WASHC3: variants seen among roughly 807,000 people sequenced by gnomAD.
The protein encoded by WASHC3 is WASH complex subunit 3.
WASHC3 carries 24 observed loss-of-function variants against 26.1 expected under a neutral mutation model. The ratio of observed to expected loss-of-function variants is 0.92; its 90% CI spans 0.66 to 1.29. WASHC3 has a LOEUF of 1.29. Among genes scored for constraint, WASHC3 ranks in the 50% most tolerant of loss-of-function variants. The pLI is 0.00. For synonymous variants in WASHC3, 77 were observed against 75.7 expected (o/e 1.02, Z -0.09); for missense variants, 214 against 229.6 (o/e 0.93, Z 0.44).
chr12:102,017,999 ATTCT>A (rs1876783986), intron 6 of WASHC3, among the ~76,000 whole-genome samples: 1 of 152,110 alleles, frequency 6.6e-6, no homozygotes, highest in Non-Finnish European at 1.5e-5. Context: ...GACAACCACT[ATTCT>A]TTCTGTCTCT....
chr12:102,052,150 G>A (rs1878416746), intron 2 of WASHC3, among the ~76,000 whole-genome samples: 1 of 152,138 alleles, frequency 6.6e-6, no homozygotes. Flanking sequence ...TACAGCACTG[G>A]GTTTAGCACA....
chr12:102,017,827 CAT>C (rs1565810049), intron 6 of WASHC3: 1 of 427,500 alleles, frequency 2.3e-6, no homozygotes, highest in African/African-American at 2.1e-5. Context: ...ATACAGATAA[CAT>C]AAAATTTAAT....
At position 102,013,209 on chromosome 12, in the gene WASHC3, A is replaced by C. The variant is rs901749273; in HGVS notation, c.501-17T>G. 6 of 1,356,544 alleles carry C rather than the reference A, an allele frequency of 4.4e-6. No individual in the cohort carries two copies. In the East Asian group the frequency reaches 1.5e-4, roughly 34 times the overall value. 84.0% of individuals were successfully genotyped at this position (1,356,544 alleles called of 1,614,324 possible). On this transcript the variant is annotated splice_polypyrimidine_tract_variant and intron_variant, in intron 6 of 6. Transcript: ENST00000240079. ...TCTGGCCTCCTAAAAGAAAAGAAAA[A>C]AAAATTTCAAAGGTCTTTTCCAATT...
intron 2 of WASHC3, among the ~76,000 whole-genome samples, chr12:102,055,643 C>A (rs148465565): frequency 1.2e-3 from 180 of 152,262 alleles, no homozygotes; most frequent in African/African-American, 4.2e-3. Context: ...GTGCCCCACC[C>A]ATCAAAGCTT....
intron 5 of WASHC3, among the ~76,000 whole-genome samples, chr12:102,031,580 T>C (rs535718449): frequency 2.0e-5 from 3 of 152,310 alleles, no homozygotes; most frequent in Non-Finnish European, 4.4e-5. Flanking sequence ...TGTTCATTTG[T>C]ATCTTTTCTT....
intron 2 of WASHC3, among the ~76,000 whole-genome samples, chr12:102,057,518 T>C (rs1202314619): frequency 2.6e-5 from 4 of 152,060 alleles, no homozygotes; most frequent in Non-Finnish European, 5.9e-5. Flanking sequence ...TTGAAAATCT[T>C]ATAAAAAATT....
chr12:102,036,362 C>CAAAA (rs1271595888), intron 5 of WASHC3, among the ~76,000 whole-genome samples: 6 of 71,940 alleles, frequency 8.3e-5, no homozygotes, highest in African/African-American at 2.9e-4. Flanking sequence ...GACTCCGTCT[C>CAAAA]AAAAAAAAAA....
intron 2 of WASHC3, among the ~76,000 whole-genome samples, chr12:102,059,205 CAAAA>C (rs1229812823): frequency 6.6e-6 from 1 of 151,548 alleles, no homozygotes; most frequent in African/African-American, 2.4e-5. Flanking sequence ...GTGCTCACCA[CAAAA>C]AAAAGTAAGT....
chr12:102,047,498 T>C (rs1204123388), intron 2 of WASHC3, among the ~76,000 whole-genome samples: 1 of 152,196 alleles, frequency 6.6e-6, no homozygotes, highest in Admixed American at 6.5e-5. Flanking sequence ...CTAGAATTCA[T>C]TCACATAAGG....
intron 2 of WASHC3, among the ~76,000 whole-genome samples, chr12:102,056,852 T>C (rs147681926): frequency 1.9e-3 from 291 of 152,252 alleles, no homozygotes; most frequent in African/African-American, 6.4e-3. Context: ...GAAGAACTAA[T>C]ACAAATCCTT....
At chr12:102,017,550 G>A (rs1349414593) in intron 6 of WASHC3, among the ~76,000 whole-genome samples, 1 of 152,156 alleles carries the variant, frequency 6.6e-6, no homozygotes, top group Non-Finnish European at 1.5e-5. Context: ...GGTGTAGCAG[G>A]CTGCATTCAG....
chr12:102,057,427 A>G lies in WASHC3; in HGVS notation c.150+3821T>C, dbSNP rs1328887212. Among the ~76,000 whole-genome samples the G allele has an allele frequency of 2.0e-5, 3 of 152,138 alleles. No individual in the cohort carries two copies. In the East Asian group the frequency reaches 5.8e-4, roughly 29 times the overall value. On this transcript the variant is annotated intron_variant, in intron 2 of 6. Coordinates refer to ENST00000240079, the MANE Select transcript of WASHC3 (RefSeq NM_016053.4). Reference sequence around the variant, plus strand: ...GAAGTCCTAGCTATAGTAATTAGACAAGAGGGAAAAATAAAAGGCATTGAA... The same window carrying G: ...GAAGTCCTAGCTATAGTAATTAGACGAGAGGGAAAAATAAAAGGCATTGAA...
intron 6 of WASHC3, among the ~76,000 whole-genome samples, chr12:102,013,647 A>G (rs1275404041): frequency 6.6e-6 from 1 of 152,238 alleles, no homozygotes; most frequent in East Asian, 1.9e-4. Flanking sequence ...GAGTTCAAAA[A>G]TGGCTAATAA....
intron 6 of WASHC3, among the ~76,000 whole-genome samples, chr12:102,014,352 C>T (rs973305773): frequency 6.4e-3 from 17 of 2,670 alleles, no homozygotes; most frequent in East Asian, 0.17. Context: ...ATTATAGATG[C>T]GAGCCCGTGC....
At chr12:102,056,128 C>T (rs571585335) in intron 2 of WASHC3, among the ~76,000 whole-genome samples, 3 of 152,212 alleles carry the variant, frequency 2.0e-5, no homozygotes, top group African/African-American at 4.8e-5. Context: ...ATTGTTTTGA[C>T]GATTCTAAAG....
chr12:102,056,190 T>C (rs1301040827), intron 2 of WASHC3, among the ~76,000 whole-genome samples: 1 of 152,260 alleles, frequency 6.6e-6, no homozygotes, highest in Non-Finnish European at 1.5e-5. Context: ...TTGAGGCATA[T>C]ATATGGCAAT....
At chr12:102,034,781 A>AGTGTGTGTGTGTGT (rs60815635) in intron 5 of WASHC3, among the ~76,000 whole-genome samples, 11 of 146,064 alleles carry the variant, frequency 7.5e-5, no homozygotes, top group African/African-American at 2.8e-4. Context: ...CCTAAAAAAA[A>AGTGTGTGTGTGTGT]GTGTGTGTGT....
chr12:102,014,171 C>T (rs755274920), intron 6 of WASHC3, among the ~76,000 whole-genome samples: 11 of 134,958 alleles, frequency 8.2e-5, no homozygotes, highest in Non-Finnish European at 1.5e-4. Flanking sequence ...CAACCTCTGT[C>T]TCCCAGGTTC....
At chr12:102,016,589 A>G (rs1458516794) in intron 6 of WASHC3, among the ~76,000 whole-genome samples, 1 of 152,206 alleles carries the variant, frequency 6.6e-6, no homozygotes, top group Non-Finnish European at 1.5e-5. Context: ...CCTTCAGGAG[A>G]TATTCCAGAA....
Sources: gnomAD v4.1 joint callset for allele counts (sites outside exome capture counted in the v4.1 genomes callset) on GRCh38, gnomAD v4.1.1 for gene constraint, MANE v1.5 for transcripts, NCBI Gene and HGNC (gene_info 2026-07-23, HGNC 2026-07-21) for gene names.